GRM1: variants seen among roughly 807,000 people sequenced by gnomAD.
GRM1 encodes the protein glutamate metabotropic receptor 1, also known as metabotropic glutamate receptor 1.
Under a neutral mutation model 90.9 loss-of-function variants are expected in GRM1, and 33 were observed. The ratio of observed to expected loss-of-function variants is 0.36; its 90% confidence interval spans 0.28 to 0.49. The LOEUF is 0.49. GRM1 is among the 20% of genes least tolerant of loss of function. The pLI is 0.99. For missense variants in GRM1, 1,190 were observed against 1,534.3 expected (o/e 0.78, Z 3.75); for synonymous variants, 700 against 613.2 (o/e 1.14, Z -2.09).
At chr6:146,212,903 A>G (rs898553971) in intron 2 of GRM1, among the ~76,000 whole-genome samples, 1 of 152,112 alleles carries the variant, frequency 6.6e-6, no homozygotes, top group Non-Finnish European at 1.5e-5. Flanking sequence ...ATTATTTCTA[A>G]TTGTTTCTCA....
intron 3 of GRM1, among the ~76,000 whole-genome samples, chr6:146,342,679 A>T (rs1002139981): frequency 5.3e-5 from 8 of 152,202 alleles, no homozygotes; most frequent in Non-Finnish European, 1.0e-4. Context: ...AGCACATGTA[A>T]AGCACCTAAT....
intron 2 of GRM1, among the ~76,000 whole-genome samples, chr6:146,292,054 G>C (rs1471877664): frequency 6.6e-6 from 1 of 151,840 alleles, no homozygotes; most frequent in African/African-American, 2.4e-5. Context: ...CATTCCATGG[G>C]AAAAATAGTC....
rs962757197 is a variant in GRM1, at chr6:146,437,324, A to G, written c.*2528A>G. ...TCTAAGACTTTTGGTGAACACGTTC[A>G]TTCAACTGTGATCACTTTATTACTC... is the stretch of plus-strand genomic sequence containing the variant. On this transcript the variant is annotated 3_prime_UTR_variant, in exon 8 of 8. Transcript: ENST00000282753. 1 of 152,724 alleles carries G rather than the reference A, an allele frequency of 6.5e-6. No homozygotes were observed. The highest frequency in any genetic ancestry group is 1.9e-4 in the East Asian group (1 of 5,182). The allele number at this position is 152,724 out of a possible 1,614,324, so 9.5% of individuals were successfully genotyped here.
chr6:146,149,390 G>GCTAAA (rs745934226), intron 1 of GRM1, among the ~76,000 whole-genome samples: 1 of 152,172 alleles, frequency 6.6e-6, no homozygotes, highest in Non-Finnish European at 1.5e-5. Context: ...TAAAGCTAAA[G>GCTAAA]CTACTGGGTC....
At chr6:146,116,254 G>T (rs57225700) in intron 1 of GRM1, among the ~76,000 whole-genome samples, 1 of 152,150 alleles carries the variant, frequency 6.6e-6, no homozygotes, top group East Asian at 1.9e-4. Context: ...ATTGCACCTG[G>T]CCCCCATTCA....
intron 1 of GRM1, among the ~76,000 whole-genome samples, chr6:146,122,469 A>C (rs1358534846): frequency 1.3e-5 from 2 of 151,472 alleles, no homozygotes; most frequent in African/African-American, 4.9e-5. Context: ...TTTCCAGTAA[A>C]TTTTCTTTTA....
intron 7 of GRM1, among the ~76,000 whole-genome samples, chr6:146,420,665 G>A (rs577577413): frequency 6.6e-6 from 1 of 152,150 alleles, no homozygotes. Context: ...ACAGACAATA[G>A]AAGCAGACCC....
chr6:146,253,068 A>T (rs750391358), intron 2 of GRM1, among the ~76,000 whole-genome samples: 129 of 152,118 alleles, frequency 8.5e-4, no homozygotes, highest in Non-Finnish European at 1.6e-3. Flanking sequence ...CAAAAAAAAA[A>T]TTGATAAATT....
At chr6:146,390,578 T>C (rs1394269798) in intron 6 of GRM1, among the ~76,000 whole-genome samples, 1 of 152,032 alleles carries the variant, frequency 6.6e-6, no homozygotes, top group African/African-American at 2.4e-5. Flanking sequence ...ACGCTACATT[T>C]TCTCATTAAA....
intron 7 of GRM1, among the ~76,000 whole-genome samples, chr6:146,424,107 C>T (rs1189923730): frequency 6.6e-6 from 1 of 152,166 alleles, no homozygotes; most frequent in Non-Finnish European, 1.5e-5. Context: ...CTCATGTCCT[C>T]TTTGCCTCAG....
intron 2 of GRM1, among the ~76,000 whole-genome samples, chr6:146,174,928 G>A (rs1439502541): frequency 6.6e-6 from 1 of 152,210 alleles, no homozygotes; most frequent in East Asian, 1.9e-4. Flanking sequence ...TTCTTGCCAT[G>A]TGGACCTCTG....
intron 1 of GRM1, among the ~76,000 whole-genome samples, chr6:146,100,999 GGGA>G (rs1222939099): frequency 6.6e-6 from 1 of 152,096 alleles, no homozygotes; most frequent in Non-Finnish European, 1.5e-5. Context: ...GGGCTGAGGT[GGGA>G]GGATGGCTTC....
chr6:146,275,883 G>T (rs1007078478), intron 2 of GRM1, among the ~76,000 whole-genome samples: 1 of 152,006 alleles, frequency 6.6e-6, no homozygotes. Flanking sequence ...TGCACACATT[G>T]CTGGAATTTT....
intron 5 of GRM1, among the ~76,000 whole-genome samples, chr6:146,358,039 G>T (rs1054634047): frequency 6.6e-6 from 1 of 152,194 alleles, no homozygotes; most frequent in African/African-American, 2.4e-5. Flanking sequence ...CATAGTTCTA[G>T]CTATTGTTAA....
intron 7 of GRM1, among the ~76,000 whole-genome samples, chr6:146,403,253 C>T (rs1777219916): frequency 6.6e-6 from 1 of 152,080 alleles, no homozygotes; most frequent in African/African-American, 2.4e-5. Flanking sequence ...AAAGTAATTA[C>T]ATCAGTGATT....
intron 6 of GRM1, among the ~76,000 whole-genome samples, chr6:146,397,132 G>A (rs1776969675): frequency 6.6e-6 from 1 of 152,132 alleles, no homozygotes; most frequent in Non-Finnish European, 1.5e-5. Context: ...TTATCTTGGT[G>A]AAGCCTCTAG....
chr6:146,158,181 T>C (rs549990667), intron 1 of GRM1, among the ~76,000 whole-genome samples: 2 of 152,146 alleles, frequency 1.3e-5, no homozygotes, highest in African/African-American at 4.8e-5. Context: ...AGGTAGATGG[T>C]TGGGTTTAAC....
At chr6:146,425,856 A>T (rs1343094264) in intron 7 of GRM1, among the ~76,000 whole-genome samples, 1 of 152,182 alleles carries the variant, frequency 6.6e-6, no homozygotes, top group African/African-American at 2.4e-5. Context: ...GGAAAGGCCG[A>T]CTACCCCTGG....
intron 6 of GRM1, among the ~76,000 whole-genome samples, chr6:146,391,797 T>C (rs1015201577): frequency 6.6e-6 from 1 of 152,128 alleles, no homozygotes; most frequent in African/African-American, 2.4e-5. Flanking sequence ...TGGTTCCAGA[T>C]TGGCATTGAA....
Sources: allele counts gnomAD v4.1 joint callset (sites outside exome capture counted in the v4.1 genomes callset), GRCh38; gene constraint gnomAD v4.1.1; transcripts MANE v1.5; gene names NCBI Gene and HGNC (gene_info 2026-07-23, HGNC 2026-07-21).